CTNNA2: variants seen among roughly 807,000 people sequenced by gnomAD.
The protein encoded by CTNNA2 is catenin alpha 2, also known as catenin alpha-2.
CTNNA2 carries 42 observed loss-of-function variants against 101.0 expected under a neutral mutation model. That is an observed-to-expected ratio of 0.42 (90% CI 0.32 to 0.54). The LOEUF is 0.54. Among genes scored for constraint, CTNNA2 ranks in the 20% least tolerant of loss-of-function variants. CTNNA2 has a pLI of 0.14. For missense variants in CTNNA2, 871 were observed against 1,223.1 expected, an observed-to-expected ratio of 0.71 and a Z score of 4.29; for synonymous variants, 450 against 456.4, an observed-to-expected ratio of 0.99 and a Z score of 0.18.
rs191566895 is a variant in CTNNA2 at position 79,398,045 on chromosome 2, T to G, written c.-135+24032T>G. Among the ~76,000 whole-genome samples the G allele has an allele frequency of 1.9e-3, 282 of 152,282 alleles. 1 individual carries two copies. Among genetic ancestry groups the G allele is most frequent in the Admixed American group, 5.7e-3 (87 of 15,282 alleles). ...ACTAAAGAACCAGAAAGCTTCTAGT[T>G]AAAATTCTCTTGGCTCTAAGTCTCA... On this transcript the variant is annotated intron_variant, in intron 4 of 21. Transcript: ENST00000466387.
At chr2:79,510,173 A>G (rs1671505417), upstream of CTNNA2, among the ~76,000 whole-genome samples, 1 of 152,216 alleles carries the variant, frequency 6.6e-6, no homozygotes, top group South Asian at 2.1e-4. Context: ...TACCTTTAAC[A>G]ATGATCCTTT....
intron 7 of CTNNA2, among the ~76,000 whole-genome samples, chr2:80,323,157 C>CGT (rs1454863278): frequency 6.6e-6 from 1 of 152,178 alleles, no homozygotes; most frequent in African/African-American, 2.4e-5. Context: ...TTCTGCTTTT[C>CGT]GTGTAGCTCA....
chr2:79,829,457 C>T (rs943318236), intron 3 of CTNNA2, among the ~76,000 whole-genome samples: 3 of 150,010 alleles, frequency 2.0e-5, no homozygotes, highest in Non-Finnish European at 4.4e-5. Context: ...GTAGTCCCAG[C>T]TACTCCAGAG....
intron 1 of CTNNA2, among the ~76,000 whole-genome samples, chr2:79,577,662 C>T (rs1675883867): frequency 6.6e-6 from 1 of 152,038 alleles, no homozygotes; most frequent in Non-Finnish European, 1.5e-5. Context: ...TTTAAAATAA[C>T]AGTGACTTTT....
chr2:79,393,232 A>G (rs1052905868), intron 4 of CTNNA2, among the ~76,000 whole-genome samples: 1 of 152,180 alleles, frequency 6.6e-6, no homozygotes, highest in Non-Finnish European at 1.5e-5. Flanking sequence ...CTAGAACACC[A>G]GGTAGCAGCA....
chr2:79,286,184 C>G (rs1229242726), intron 2 of CTNNA2, among the ~76,000 whole-genome samples: 1 of 152,144 alleles, frequency 6.6e-6, no homozygotes, highest in African/African-American at 2.4e-5. Flanking sequence ...ATACAGCACA[C>G]TGATGGGTCT....
intron 13 of CTNNA2, among the ~76,000 whole-genome samples, chr2:80,577,145 T>G (rs1021405972): frequency 3.9e-5 from 6 of 152,166 alleles, no homozygotes; most frequent in Admixed American, 3.9e-4. Flanking sequence ...TGTCCAAACT[T>G]TTGGAGTTGC....
chr2:80,526,875 A>G (rs1690085625), intron 9 of CTNNA2, among the ~76,000 whole-genome samples: 2 of 152,238 alleles, frequency 1.3e-5, no homozygotes, highest in Admixed American at 1.3e-4. Flanking sequence ...CTTGAATGCA[A>G]ACTTCTCTAA....
At chr2:80,307,106 C>T (rs1157998052) in intron 7 of CTNNA2, among the ~76,000 whole-genome samples, 3 of 149,866 alleles carry the variant, frequency 2.0e-5, no homozygotes, top group Non-Finnish European at 3.0e-5. Flanking sequence ...CATTATTATC[C>T]TGCAAATCAT....
At chr2:79,525,240 C>T (rs1039167418) in intron 1 of CTNNA2, among the ~76,000 whole-genome samples, 1 of 151,910 alleles carries the variant, frequency 6.6e-6, no homozygotes, top group East Asian at 1.9e-4. Context: ...TTCGTACCCA[C>T]ATAGAATTTT....
chr2:79,264,426 A>AT (rs1427919357), intron 2 of CTNNA2, among the ~76,000 whole-genome samples: 1 of 151,300 alleles, frequency 6.6e-6, no homozygotes, highest in Non-Finnish European at 1.5e-5. Context: ...ATTTTTTTAT[A>AT]AAAAGTTAAT....
chr2:80,573,115 G>A (rs1325306184), intron 12 of CTNNA2: 2 of 152,216 alleles, frequency 1.3e-5, no homozygotes, highest in African/African-American at 4.8e-5. Flanking sequence ...AATGGAAATA[G>A]ATGAATGATG....
chr2:80,077,104 T>C (rs1698807476), intron 7 of CTNNA2, among the ~76,000 whole-genome samples: 1 of 152,122 alleles, frequency 6.6e-6, no homozygotes, highest in African/African-American at 2.4e-5. Context: ...TTAAAAAGCT[T>C]GATAATGCCA....
intron 11 of CTNNA2, among the ~76,000 whole-genome samples, chr2:80,554,613 A>G (rs1390242293): frequency 6.6e-6 from 1 of 152,206 alleles, no homozygotes; most frequent in African/African-American, 2.4e-5. Flanking sequence ...TCTCTTTTAT[A>G]AGGACACTAA....
intron 11 of CTNNA2, among the ~76,000 whole-genome samples, chr2:80,547,950 C>T (rs150887830): frequency 0.015 from 2,316 of 152,208 alleles, 63 homozygotes; most frequent in African/African-American, 0.053. Flanking sequence ...CCTTGGTCTC[C>T]CAAAGTGCTG....
At chr2:80,565,994 C>T (rs1026316322) in intron 12 of CTNNA2, among the ~76,000 whole-genome samples, 4 of 152,030 alleles carry the variant, frequency 2.6e-5, no homozygotes, top group Non-Finnish European at 4.4e-5. Context: ...ATGCTTGAAA[C>T]GTAGATCAAG....
chr2:80,263,857 A>G (rs1018699598), intron 7 of CTNNA2, among the ~76,000 whole-genome samples: 2 of 152,202 alleles, frequency 1.3e-5, no homozygotes, highest in Non-Finnish European at 2.9e-5. Flanking sequence ...CAGCCACTGA[A>G]TGTCTTCCAG....
chr2:79,338,578 A>ATCTTCTTCTTCTTCTTCTTCTTCT (rs70940029), intron 3 of CTNNA2, among the ~76,000 whole-genome samples: 1 of 117,804 alleles, frequency 8.5e-6, no homozygotes, highest in African/African-American at 3.3e-5. Flanking sequence ...CCTCCTCATC[A>ATCTTCTTCTTCTTCTTCTTCTTCT]TCTTCTTCTT....
chr2:80,121,699 C>A (rs1424640304), intron 7 of CTNNA2, among the ~76,000 whole-genome samples: 1 of 152,148 alleles, frequency 6.6e-6, no homozygotes, highest in African/African-American at 2.4e-5. Flanking sequence ...CCTTCTTGAT[C>A]ACAAGGTTTC....
Sources: gnomAD v4.1 joint callset for allele counts (sites outside exome capture counted in the v4.1 genomes callset) on GRCh38, gnomAD v4.1.1 for gene constraint, MANE v1.5 for transcripts, NCBI Gene and HGNC (gene_info 2026-07-23, HGNC 2026-07-21) for gene names.